Variants in OLFM3 observed in about 807,000 individuals in gnomAD.
OLFM3 encodes the protein olfactomedin 3.
Under a neutral mutation model 48.6 loss-of-function variants are expected in OLFM3, and 20 were observed. That is an observed-to-expected ratio of 0.41 (90% CI 0.29 to 0.60). OLFM3 has a LOEUF of 0.60. OLFM3 is among the 20% of genes least tolerant of loss of function. The pLI, the probability that OLFM3 is intolerant of heterozygous loss-of-function variation, is 0.28. For synonymous variants in OLFM3, 222 were observed against 198.1 expected, an observed-to-expected ratio of 1.12 and a Z score of -1.01; for missense variants, 437 against 544.3, an observed-to-expected ratio of 0.80 and a Z score of 1.96.
intron 1 of OLFM3, among the ~76,000 whole-genome samples, chr1:101,868,383 TA>T (rs1656939959): frequency 6.6e-6 from 1 of 152,172 alleles, no homozygotes; most frequent in Admixed American, 6.5e-5. Context: ...CAGATGGAAA[TA>T]AGGAACTTGT....
At chr1:101,866,890 C>T (rs1656882985) in intron 1 of OLFM3, among the ~76,000 whole-genome samples, 1 of 151,982 alleles carries the variant, frequency 6.6e-6, no homozygotes. Flanking sequence ...CATGTTGTGC[C>T]TGAGAGAAGA....
intron 4 of OLFM3, among the ~76,000 whole-genome samples, chr1:101,824,643 A>AAAC (rs149607229): frequency 0.013 from 1,902 of 150,524 alleles, 39 homozygotes; most frequent in East Asian, 0.053. Context: ...CCCACTAACC[A>AAAC]AACAACAACA....
intron 1 of OLFM3, among the ~76,000 whole-genome samples, chr1:101,979,719 C>T (rs1302040928): frequency 6.6e-6 from 1 of 152,158 alleles, no homozygotes; most frequent in Non-Finnish European, 1.5e-5. Context: ...TGTGGGGTTG[C>T]AGCCCGACAC....
chr1:101,950,035 A>AC (rs200300345), intron 1 of OLFM3, among the ~76,000 whole-genome samples: 10 of 130,990 alleles, frequency 7.6e-5, no homozygotes, highest in East Asian at 2.6e-4. Context: ...CTTAAAAAAA[A>AC]AAAAAAAAAA....
intron 1 of OLFM3, among the ~76,000 whole-genome samples, chr1:101,910,372 C>A (rs562284455): frequency 3.3e-5 from 5 of 151,272 alleles, no homozygotes; most frequent in Admixed American, 1.3e-4. Context: ...AGGCTGAGGC[C>A]AGAGAATGGC....
chr1:101,967,590 G>GAAAAAAAAA (rs71592233), intron 1 of OLFM3, among the ~76,000 whole-genome samples: 9 of 44,582 alleles, frequency 2.0e-4, no homozygotes, highest in African/African-American at 4.3e-4. Flanking sequence ...CCTAGTCAGT[G>GAAAAAAAAA]AAAAAAAAAA....
At position 101,836,928 on chromosome 1, in the gene OLFM3, A is replaced by G. The variant is rs1219885911; in HGVS notation, c.167T>C (p.Leu56Pro). Residue 56 changes from leucine (L) to proline (P), a missense_variant, in exon 2 of 6, where the codon CTG (leucine) becomes CCG (proline). By Grantham distance (98) the Leu-to-Pro change is moderately conservative (BLOSUM62 -3). This residue lies in a region of OLFM3 where 314 missense variants were observed against 365.5 expected (regional missense o/e 0.86). Transcript: ENST00000370103. ...ICTVVAPEQN[L>P]CSRDAKSRQL... ...CCTGCTTTTGGCATCCCGGGAACAC[A>G]GGTTTTGTTCTGGAGCAACAACTGT... 2.5e-6 allele frequency: 4 copies of G among 1,614,030 alleles called. No individual in the cohort carries two copies. The highest frequency in any genetic ancestry group is 3.4e-6 in the Non-Finnish European group (4 of 1,180,018).
At chr1:101,892,672 C>G (rs938289457) in intron 1 of OLFM3, among the ~76,000 whole-genome samples, 4 of 151,964 alleles carry the variant, frequency 2.6e-5, no homozygotes, top group Non-Finnish European at 5.9e-5. Flanking sequence ...CTTACTCTTA[C>G]TTTAAAAATG....
chr1:101,936,408 G>A (rs926906133), intron 1 of OLFM3, among the ~76,000 whole-genome samples: 1 of 111,462 alleles, frequency 9.0e-6, no homozygotes, highest in African/African-American at 3.5e-5. Flanking sequence ...AGCTAACCAG[G>A]GAAATGTAAG....
At chr1:101,809,241 G>GA (rs543094703) in intron 4 of OLFM3, among the ~76,000 whole-genome samples, 3 of 151,478 alleles carry the variant, frequency 2.0e-5, no homozygotes, top group South Asian at 2.1e-4. Context: ...GATAATGAAT[G>GA]AAAAAAAGAT....
chr1:101,866,110 T>G (rs1449631788), intron 1 of OLFM3, among the ~76,000 whole-genome samples: 1 of 152,178 alleles, frequency 6.6e-6, no homozygotes. Flanking sequence ...TACAGCCAGA[T>G]GAAATAAAAT....
chr1:101,955,921 C>A (rs913594237), intron 1 of OLFM3, among the ~76,000 whole-genome samples: 1 of 151,726 alleles, frequency 6.6e-6, no homozygotes, highest in Admixed American at 6.6e-5. Flanking sequence ...TTCTTGTATT[C>A]TTTACCTCAG....
intron 1 of OLFM3, among the ~76,000 whole-genome samples, chr1:101,895,982 A>G (rs1658185325): frequency 6.7e-6 from 1 of 149,446 alleles, no homozygotes; most frequent in Admixed American, 6.7e-5. Flanking sequence ...AATAATAATA[A>G]TAATAATAAT....
intron 3 of OLFM3, among the ~76,000 whole-genome samples, chr1:101,826,035 G>A (rs1207255532): frequency 1.3e-5 from 2 of 151,974 alleles, no homozygotes; most frequent in Non-Finnish European, 2.9e-5. Context: ...CCCATGTGGC[G>A]AATTAACTCT....
intron 1 of OLFM3, among the ~76,000 whole-genome samples, chr1:101,978,180 T>G (rs1234587143): frequency 6.6e-6 from 1 of 152,150 alleles, no homozygotes; most frequent in Non-Finnish European, 1.5e-5. Context: ...TTCCCAATTG[T>G]ATTATGGAGA....
chr1:101,906,964 T>C (rs1274227061), intron 1 of OLFM3, among the ~76,000 whole-genome samples: 1 of 152,182 alleles, frequency 6.6e-6, no homozygotes, highest in Non-Finnish European at 1.5e-5. Flanking sequence ...TAATAAACCA[T>C]TATTTGTCGT....
intron 4 of OLFM3, among the ~76,000 whole-genome samples, chr1:101,820,464 A>T (rs1169085868): frequency 6.6e-6 from 1 of 152,126 alleles, no homozygotes; most frequent in Non-Finnish European, 1.5e-5. Context: ...CATATCTAGA[A>T]ATGTGACATG....
chr1:101,884,542 T>C (rs1218659220), intron 1 of OLFM3, among the ~76,000 whole-genome samples: 1 of 151,784 alleles, frequency 6.6e-6, no homozygotes, highest in Non-Finnish European at 1.5e-5. Context: ...GGGACATTTA[T>C]TAGTAAGGAA....
intron 1 of OLFM3, among the ~76,000 whole-genome samples, chr1:101,912,464 A>C (rs547053103): frequency 1.1e-4 from 16 of 152,336 alleles, no homozygotes; most frequent in African/African-American, 3.1e-4. Context: ...TAAATTCCGT[A>C]TCTCTGTTTT....
Sources: gnomAD v4.1 joint callset for allele counts (sites outside exome capture counted in the v4.1 genomes callset) on GRCh38, gnomAD v4.1.1 for gene constraint, gnomAD v4.1.1 regional missense constraint, MANE v1.5 for transcripts, NCBI Gene and HGNC (gene_info 2026-07-23, HGNC 2026-07-21) for gene names.